Variants in C6orf118 observed in about 807,000 individuals in gnomAD.
C6orf118 encodes the protein uncharacterized protein C6orf118.
A neutral mutation model predicts 50.2 loss-of-function variants in C6orf118; 50 were observed. The ratio of observed to expected loss-of-function variants is 1.00; its 90% CI spans 0.79 to 1.26. C6orf118 has a LOEUF of 1.26. Among genes scored for constraint, C6orf118 ranks in the 50% most tolerant of loss-of-function variants. The pLI is 0.00. For missense variants in C6orf118, 641 were observed against 578.7 expected (o/e 1.11, Z -1.10); for synonymous variants, 239 against 230.9 (o/e 1.03, Z -0.32).
chr6:165,290,195 G>T (rs1473588418), intron 6 of C6orf118, 128 bp from the exon 7 acceptor site: 2 of 585,964 alleles, frequency 3.4e-6, no homozygotes, highest in East Asian at 3.2e-5. Flanking sequence ...ATTCAAACTC[G>T]AAGCATGTCA....
chr6:165,302,563 C>T (rs779180722), intron 1 of C6orf118, among the ~76,000 whole-genome samples: 5 of 152,200 alleles, frequency 3.3e-5, no homozygotes, highest in Non-Finnish European at 4.4e-5. Flanking sequence ...AAAAGACAGA[C>T]TATCTTGATT....
intron 8 of C6orf118, among the ~76,000 whole-genome samples, chr6:165,280,348 A>G (rs1224236945): frequency 6.6e-6 from 1 of 152,224 alleles, no homozygotes; most frequent in Non-Finnish European, 1.5e-5. Context: ...CATGGGAAGT[A>G]GGTGTACCAT....
In C6orf118 at chr6:165,301,620, AT is replaced by A; in HGVS notation, c.701del (p.Asn234MetfsTer49). The part of the protein sequence containing the change: ...EVLAKQDLLK[N>X]DFTGSKAAAG... ...CGGCCGCCTTGCTCCCAGTGAAGTC[AT>A]TCTTCAGGAGATCTTGCTTGGCGAG... On this transcript the variant is annotated frameshift_variant, in exon 2 of 9. Coordinates refer to ENST00000230301, the MANE Select transcript of C6orf118 (RefSeq NM_144980.4). LOFTEE classifies it high-confidence loss of function. 2.5e-6 allele frequency: 4 copies of A among 1,613,966 alleles called. No homozygotes were observed. The highest frequency in any genetic ancestry group is 3.3e-4 in the Middle Eastern group (2 of 6,062).
chr6:165,280,006 A>G lies in C6orf118; in HGVS notation c.*51T>C. On this transcript the variant is annotated 3_prime_UTR_variant, in exon 9 of 9. Transcript: ENST00000230301. The stretch of plus-strand genomic sequence containing the variant: ...ATGCATCTGCAAATATCCATGCTAC[A>G]TACATGGAAGTTAAGAATTTCCACT... 2 of 1,547,518 alleles carry G rather than the reference A, an allele frequency of 1.3e-6. No individual in the cohort carries two copies. Among genetic ancestry groups the G allele is most frequent in the Non-Finnish European group, 1.8e-6 (2 of 1,137,320 alleles).
intron 3 of C6orf118, 47 bp downstream of exon 3, chr6:165,300,317 C>T: frequency 6.2e-7 from 1 of 1,608,306 alleles, no homozygotes; most frequent in Non-Finnish European, 8.5e-7. Context: ...TACACAGAAC[C>T]TCATGCAAGC....
At chr6:165,299,253 A>C (rs1215531770) in intron 4 of C6orf118, among the ~76,000 whole-genome samples, 190 bp downstream of exon 4, 1 of 152,234 alleles carries the variant, frequency 6.6e-6, no homozygotes, top group Non-Finnish European at 1.5e-5. Flanking sequence ...ATGCCAATCA[A>C]AAGGAAAGTT....
intron 1 of C6orf118, among the ~76,000 whole-genome samples, chr6:165,307,581 C>T (rs1311041944): frequency 6.6e-6 from 1 of 151,412 alleles, no homozygotes; most frequent in Non-Finnish European, 1.5e-5. Context: ...TTTTTTTAAT[C>T]ACTGTCCCAT....
chr6:165,296,254 T>G (rs1362852261), intron 5 of C6orf118, among the ~76,000 whole-genome samples: 1 of 61,996 alleles, frequency 1.6e-5, no homozygotes, highest in Admixed American at 1.7e-4. Context: ...TTTTTTGTTT[T>G]TTTTTTTTTT....
chr6:165,301,946 T>A lies in C6orf118; in HGVS notation c.376A>T (p.Thr126Ser). 1 of 1,613,646 alleles carries A rather than the reference T, an allele frequency of 6.2e-7. No homozygotes were observed. The highest frequency in any genetic ancestry group is 1.3e-5 in the African/African-American group (1 of 74,954). The change falls in exon 2 of 9, where the codon ACC becomes TCC. Residue 126 changes from threonine to serine, a missense_variant. Thr to Ser is a moderately conservative substitution (Grantham distance 58). Coordinates refer to ENST00000230301, the MANE Select transcript of C6orf118 (RefSeq NM_144980.4). Reference sequence around the variant, plus strand: ...GGGTTCAGGTACCTGAACAGCGGGGTGTCCTGGGCCTCACTGGGGACCAGG... The same window carrying A: ...GGGTTCAGGTACCTGAACAGCGGGGAGTCCTGGGCCTCACTGGGGACCAGG... Reference protein sequence around the residue: ...TALVPSEAQDTPLFRYLNPQA... With the variant: ...TALVPSEAQDSPLFRYLNPQA...
At chr6:165,309,318 C>T (rs1464645497) in intron 1 of C6orf118, among the ~76,000 whole-genome samples, 1 of 152,256 alleles carries the variant, frequency 6.6e-6, no homozygotes, top group Non-Finnish European at 1.5e-5. Context: ...CAGGTCCACA[C>T]TCGCTGGCTC....
At position 165,301,876 on chromosome 6, in the gene C6orf118, A is replaced by G; in HGVS notation, c.446T>C (p.Val149Ala). The G allele has an allele frequency of 2.5e-6, 4 of 1,613,710 alleles. No individual in the cohort carries two copies. The highest frequency in any genetic ancestry group is 1.7e-5 in the Admixed American group (1 of 60,010). The stretch of plus-strand genomic sequence containing the variant: ...TTCCTTCCCCTCTCTGACAGCCTCC[A>G]CTGGAAGGAAATCCTCCTCTGAAGT... ...SHTSEEDFLP[V>A]EAVREGKEEK... The change falls in exon 2 of 9, where the codon GTG (valine) becomes GCG (alanine). Residue 149 changes from valine (V) to alanine (A), a missense_variant. Coordinates refer to ENST00000230301, the MANE Select transcript of C6orf118 (RefSeq NM_144980.4).
At chr6:165,296,250 G>GTTT (rs56394079) in intron 5 of C6orf118, among the ~76,000 whole-genome samples, 3 of 103,358 alleles carry the variant, frequency 2.9e-5, no homozygotes, top group Admixed American at 1.1e-4. Context: ...TTCGTTTTTT[G>GTTT]TTTTTTTTTT....
intron 1 of C6orf118, among the ~76,000 whole-genome samples, chr6:165,307,210 A>ACC (rs58324850): frequency 2.6e-5 from 3 of 114,388 alleles, no homozygotes; most frequent in South Asian, 3.1e-4. Flanking sequence ...CCATCCCCCC[A>ACC]CCCCCCCCAC....
chr6:165,309,394 A>G (rs1410745355), intron 1 of C6orf118, among the ~76,000 whole-genome samples, 168 bp downstream of exon 1: 3 of 152,218 alleles, frequency 2.0e-5, no homozygotes, highest in Non-Finnish European at 4.4e-5. Flanking sequence ...TTCTCTGAGG[A>G]GGCAGCACAA....
At position 165,289,936 on chromosome 6, in the gene C6orf118, C is replaced by T. The variant is rs1387233088; in HGVS notation, c.1252G>A (p.Val418Ile). ...GTGATATCTGAAATTCCAGTATGAA[C>T]CAAAGTTGTTTTAATTTCTTTTTCC... The part of the protein sequence containing the change: ...ALEKEIKTTL[V>I]HTGISDITEN... The change falls in exon 7 of 9, where the codon GTT (valine) becomes ATT (isoleucine). Residue 418 changes from valine to isoleucine, a missense_variant. Physicochemically the swap from Val to Ile is conservative, Grantham distance 29 (BLOSUM62 3). Transcript: ENST00000230301. 1.9e-6 allele frequency: 3 copies of T among 1,610,320 alleles called. No homozygotes were observed. The East Asian group carries it at 6.7e-5, about 36-fold the overall frequency.
chr6:165,308,713 C>G (rs1056411356), intron 1 of C6orf118, among the ~76,000 whole-genome samples: 2 of 152,184 alleles, frequency 1.3e-5, no homozygotes, highest in African/African-American at 4.8e-5. Flanking sequence ...ATCCCCACAA[C>G]AGCCCAGGAG....
chr6:165,301,166 T>C (rs1780514929), intron 2 of C6orf118, among the ~76,000 whole-genome samples: 1 of 152,112 alleles, frequency 6.6e-6, no homozygotes, highest in African/African-American at 2.4e-5. Context: ...AAGGTGCTAA[T>C]GCTCTCGGCA....
At chr6:165,297,690 G>A (rs1780358889) in intron 5 of C6orf118, among the ~76,000 whole-genome samples, 1 of 152,106 alleles carries the variant, frequency 6.6e-6, no homozygotes, top group Non-Finnish European at 1.5e-5. Context: ...TCTTAGATCT[G>A]CAGCCCTCTC....
chr6:165,297,958 T>C lies in C6orf118; in HGVS notation c.1061+19A>G. The C allele has an allele frequency of 6.2e-7, 1 of 1,613,404 alleles. No individual in the cohort carries two copies. ...CGGAAGAATCTAAACATAGATCAGA[T>C]CCGTCCCTCATGCCTCACCTATCAT... On this transcript the variant is annotated intron_variant, in intron 5 of 8. Coordinates refer to ENST00000230301, the MANE Select transcript of C6orf118 (RefSeq NM_144980.4).
Sources: allele counts gnomAD v4.1 joint callset (sites outside exome capture counted in the v4.1 genomes callset), GRCh38; gene constraint gnomAD v4.1.1; transcripts MANE v1.5; gene names NCBI Gene and HGNC (gene_info 2026-07-23, HGNC 2026-07-21).